NAE1: variants seen among roughly 807,000 people sequenced by gnomAD.
NAE1 encodes the protein NEDD8-activating enzyme E1 regulatory subunit.
Under a neutral mutation model 88.0 loss-of-function variants are expected in NAE1, and 59 were observed. The ratio of observed to expected loss-of-function variants is 0.67; its 90% CI spans 0.54 to 0.83. The LOEUF is 0.83. NAE1 is among the 40% of genes least tolerant of loss of function. The pLI is 0.00. For missense variants in NAE1, 554 were observed against 632.8 expected (o/e 0.88, Z 1.34); for synonymous variants, 186 against 208.9 (o/e 0.89, Z 0.95).
In NAE1 at chr16:66,808,801, T is replaced by G; in HGVS notation, c.1237+188A>C. The G allele has an allele frequency of 6.6e-6, 4 of 608,534 alleles. No homozygotes were observed. The South Asian group carries it at 9.9e-5, about 15-fold the overall frequency. 37.7% of individuals were successfully genotyped at this position (608,534 alleles called of 1,614,324 possible). ...ATGGACTCAGTGACCTAAATATGAC[T>G]TTATGCATACATTAAGTTTCATATA... On this transcript the variant is annotated intron_variant, in intron 16 of 19. Coordinates refer to ENST00000290810, the MANE Select transcript of NAE1 (RefSeq NM_003905.4).
At position 66,830,890 on chromosome 16, in the gene NAE1, G is replaced by C. The variant is rs1258436160; in HGVS notation, c.10C>G (p.Leu4Val). ...TTCTGCTCCTTGAGCAGCTTTCCCA[G>C]CTGCGCCATGGCCGCGCCTGCCGCG... Reference protein sequence around the residue: MAQLGKLLKEQKYD... With the variant: MAQVGKLLKEQKYD... The change falls in exon 1 of 20, where the codon CTG becomes GTG. Residue 4 changes from leucine (L) to valine (V), a missense_variant. Leu to Val is a conservative substitution (Grantham distance 32). Transcript: ENST00000290810. 2.6e-6 allele frequency: 4 copies of C among 1,536,598 alleles called. No homozygotes were observed. Among genetic ancestry groups the C allele is most frequent in the Non-Finnish European group, 3.5e-6 (4 of 1,150,796 alleles).
chr16:66,811,519 T>C (rs965242448), intron 13 of NAE1, among the ~76,000 whole-genome samples: 7 of 152,146 alleles, frequency 4.6e-5, no homozygotes, highest in Non-Finnish European at 2.9e-5. Flanking sequence ...CTGTATTTAT[T>C]ATGAGAGGAA....
At chr16:66,812,453 G>GT (rs1477586857) in intron 13 of NAE1, among the ~76,000 whole-genome samples, 1 of 151,198 alleles carries the variant, frequency 6.6e-6, no homozygotes, top group African/African-American at 2.4e-5. Context: ...GGCGTATGTG[G>GT]TAATTCTGTA....
chr16:66,830,379 ATC>A (rs1363331244), intron 1 of NAE1, among the ~76,000 whole-genome samples: 2 of 152,266 alleles, frequency 1.3e-5, no homozygotes, highest in Non-Finnish European at 2.9e-5. Context: ...AATCAATTTC[ATC>A]TGTTTCATTT....
intron 19 of NAE1, 26 bp from the exon 20 acceptor site, chr16:66,803,144 A>G: frequency 1.4e-6 from 2 of 1,462,034 alleles, no homozygotes; most frequent in Non-Finnish European, 1.9e-6. Flanking sequence ...AGAAAAGCAA[A>G]TCTTTGAAAG....
intron 3 of NAE1, chr16:66,825,966 T>G (rs1481148995): frequency 6.5e-6 from 1 of 152,948 alleles, no homozygotes; most frequent in African/African-American, 2.4e-5. Context: ...AAATATGAAC[T>G]AATTGCTGGT....
At chr16:66,826,918 T>C in intron 1 of NAE1, 138 bp from the exon 2 acceptor site, 1 of 739,770 alleles carries the variant, frequency 1.4e-6, no homozygotes, top group South Asian at 1.9e-5. Context: ...GGAACAGATA[T>C]TAGTATAGTG....
chr16:66,804,089 G>C (rs996068001), intron 19 of NAE1, among the ~76,000 whole-genome samples: 5 of 152,064 alleles, frequency 3.3e-5, no homozygotes, highest in African/African-American at 1.2e-4. Context: ...AGCAAATAAG[G>C]GAGATATAAA....
At chr16:66,827,836 T>C in intron 1 of NAE1, 1 of 657,772 alleles carries the variant, frequency 1.5e-6, no homozygotes. Context: ...CCAGAGCATG[T>C]CAAGCAACTG....
chr16:66,812,421 T>TG (rs1402630542), intron 13 of NAE1, among the ~76,000 whole-genome samples: 15 of 151,730 alleles, frequency 9.9e-5, no homozygotes, highest in Non-Finnish European at 1.6e-4. Context: ...TCATGAAGTA[T>TG]GAAAAAAAAC....
chr16:66,815,901 G>C (rs1007815855), intron 11 of NAE1, among the ~76,000 whole-genome samples: 1 of 150,500 alleles, frequency 6.6e-6, no homozygotes, highest in Admixed American at 6.6e-5. Context: ...GACTTCATGT[G>C]ATCTGCCCTC....
chr16:66,807,330 T>G, intron 17 of NAE1, among the ~76,000 whole-genome samples: 1 of 152,182 alleles, frequency 6.6e-6, no homozygotes, highest in Non-Finnish European at 1.5e-5. Context: ...TTTCTTCTAG[T>G]AAGCTTGCTT....
chr16:66,821,003 A>C (rs1597047275), intron 7 of NAE1, among the ~76,000 whole-genome samples: 1 of 151,800 alleles, frequency 6.6e-6, no homozygotes, highest in Non-Finnish European at 1.5e-5. Flanking sequence ...CGGGAGGTGG[A>C]GGTTGCAGTG....
intron 13 of NAE1, among the ~76,000 whole-genome samples, chr16:66,811,378 G>C (rs890148638): frequency 5.3e-5 from 8 of 152,068 alleles, no homozygotes; most frequent in African/African-American, 1.9e-4. Flanking sequence ...GGCTGGTCTT[G>C]AACTCCTGGG....
Position 66,805,940 on chromosome 16 carries a change from T to C in NAE1, c.1417A>G (p.Met473Val). The part of the protein sequence containing the change: ...GFLQEYGLSV[M>V]VKDDYVHEFC... ...TCGTGGACATAATCATCTTTCACCA[T>C]TACAGATAAACCATATTCCTGAAGG... Residue 473 changes from methionine to valine, a missense_variant, in exon 18 of 20, where the codon ATG becomes GTG. Coordinates refer to ENST00000290810, the MANE Select transcript of NAE1 (RefSeq NM_003905.4). The C allele has an allele frequency of 6.2e-7, 1 of 1,612,746 alleles. No homozygotes were observed. The highest frequency in any genetic ancestry group is 8.5e-7 in the Non-Finnish European group (1 of 1,179,584).
chr16:66,817,912 A>C (rs1398158213), intron 8 of NAE1, among the ~76,000 whole-genome samples: 1 of 152,198 alleles, frequency 6.6e-6, no homozygotes. Context: ...AAAAGTCCAT[A>C]AAGAGAACTT....
intron 14 of NAE1, 104 bp from the exon 15 acceptor site, chr16:66,810,517 A>C (rs1959751601): frequency 8.7e-7 from 1 of 1,155,542 alleles, no homozygotes; most frequent in Non-Finnish European, 1.3e-6. Flanking sequence ...TTTCTCCAAG[A>C]GCTGGGAGAG....
intron 6 of NAE1, among the ~76,000 whole-genome samples, chr16:66,822,674 A>ATTTT (rs1347628564): frequency 4.4e-5 from 6 of 137,596 alleles, no homozygotes; most frequent in Middle Eastern, 3.7e-3. Context: ...TTATTTATTT[A>ATTTT]TTTTTTTTTT....
intron 1 of NAE1, among the ~76,000 whole-genome samples, chr16:66,830,615 C>T (rs924836592): frequency 6.6e-6 from 1 of 152,208 alleles, no homozygotes; most frequent in Non-Finnish European, 1.5e-5. Context: ...GCGCTGGGGA[C>T]CCCGTCCCCC....
Sources: gnomAD v4.1 joint callset for allele counts (sites outside exome capture counted in the v4.1 genomes callset) on GRCh38, gnomAD v4.1.1 for gene constraint, MANE v1.5 for transcripts, NCBI Gene and HGNC (gene_info 2026-07-23, HGNC 2026-07-21) for gene names.